Variants in PAX5 observed in about 807,000 individuals in gnomAD.
The protein encoded by PAX5 is paired box protein Pax-5.
In PAX5, 9 loss-of-function variants were observed where a neutral mutation model predicts 43.7. That is an observed-to-expected ratio of 0.21 (90% CI 0.12 to 0.36). The LOEUF is 0.36. Ranked by LOEUF, PAX5 falls within the 10% of genes least tolerant of loss-of-function variation. The pLI is 1.00. For missense variants in PAX5, 383 were observed against 532.7 expected (o/e 0.72, Z 2.77); for synonymous variants, 228 against 214.3 (o/e 1.06, Z -0.56).
At position 36,839,876 on chromosome 9, in the gene PAX5, A is replaced by G. The variant is rs1821901998; in HGVS notation, c.*684T>C. On this transcript the variant is annotated 3_prime_UTR_variant, in exon 10 of 10. Transcript: ENST00000358127. ...AGGCAGGAAACCAGGACATCTCCCC[A>G]AAGTGTGCTCCTCTTGGAGAGGGGC... 1 of 234,126 alleles carries G rather than the reference A, an allele frequency of 4.3e-6. No homozygotes were observed. The highest frequency in any genetic ancestry group is 1.8e-4 in the South Asian group (1 of 5,556). 14.5% of individuals were successfully genotyped at this position (234,126 alleles called of 1,614,324 possible). A position where few individuals can be genotyped will look rare whatever the true frequency, so the allele number is the denominator to read the frequency against.
intron 5 of PAX5, among the ~76,000 whole-genome samples, chr9:36,991,574 C>T (rs1836942470): frequency 6.6e-6 from 1 of 152,206 alleles, no homozygotes; most frequent in African/African-American, 2.4e-5. Context: ...CCTCCCCCTC[C>T]CTGACTGAAT....
chr9:36,872,821 G>A (rs1243531682), intron 8 of PAX5, among the ~76,000 whole-genome samples: 1 of 152,170 alleles, frequency 6.6e-6, no homozygotes, highest in Non-Finnish European at 1.5e-5. Flanking sequence ...ACATCTGCCT[G>A]GGCAGAGCCT....
chr9:36,910,055 T>C (rs1829138978), intron 7 of PAX5, among the ~76,000 whole-genome samples: 1 of 152,066 alleles, frequency 6.6e-6, no homozygotes, highest in South Asian at 2.1e-4. Flanking sequence ...ACTCTTCAGC[T>C]CAAGCAATCC....
At chr9:36,925,130 G>A (rs963065751) in intron 6 of PAX5, among the ~76,000 whole-genome samples, 2 of 152,120 alleles carry the variant, frequency 1.3e-5, no homozygotes, top group Non-Finnish European at 1.5e-5. Context: ...CACATTCCTG[G>A]TGTCTTTCCC....
rs369098371 is a variant in PAX5 at position 36,834,287 on chromosome 9, C to T, written c.*6273G>A. ...GATGGGCCTGCCTCTTCCTGAGCCCCGGGACAGGCTGCTGCCGGGTCTGCT... is the reference window on the plus strand; with the variant it reads ...GATGGGCCTGCCTCTTCCTGAGCCCTGGGACAGGCTGCTGCCGGGTCTGCT... On this transcript the variant is annotated 3_prime_UTR_variant, in exon 10 of 10. Transcript: ENST00000358127. 4 of 233,204 alleles carry T rather than the reference C, an allele frequency of 1.7e-5. No individual in the cohort carries two copies. The highest frequency in any genetic ancestry group is 2.5e-5 in the Non-Finnish European group (3 of 118,104). 14.4% of individuals were successfully genotyped at this position (233,204 alleles called of 1,614,324 possible). A position where few individuals can be genotyped will look rare whatever the true frequency, so the allele number is the denominator to read the frequency against.
At chr9:36,909,576 G>A (rs1407343815) in intron 7 of PAX5, among the ~76,000 whole-genome samples, 1 of 152,178 alleles carries the variant, frequency 6.6e-6, no homozygotes, top group Non-Finnish European at 1.5e-5. Flanking sequence ...GAAGGTAAGA[G>A]GACACAGGAA....
intron 1 of PAX5, 97 bp downstream of exon 1, chr9:37,033,889 G>T: frequency 9.6e-7 from 1 of 1,045,370 alleles, no homozygotes; most frequent in South Asian, 1.3e-5. Context: ...ACGAAAATGC[G>T]GCGCGCCCCC....
chr9:36,856,561 G>A (rs550505958), intron 8 of PAX5: 2 of 151,498 alleles, frequency 1.3e-5, no homozygotes, highest in South Asian at 4.2e-4. Context: ...TTTTTTAGGC[G>A]GAGTCTCGCC....
At chr9:36,935,922 C>A (rs957621889) in intron 6 of PAX5, among the ~76,000 whole-genome samples, 1 of 152,224 alleles carries the variant, frequency 6.6e-6, no homozygotes, top group Non-Finnish European at 1.5e-5. Context: ...AGCACGGGGC[C>A]CCAGGGCCTC....
rs962499922 is a variant in PAX5, at chr9:36,839,760, A to G, written c.*800T>C. The G allele has an allele frequency of 4.3e-6, 1 of 233,280 alleles. No individual in the cohort carries two copies. The highest frequency in any genetic ancestry group is 2.2e-5 in the African/African-American group (1 of 45,348). The allele number at this position is 233,280 out of a possible 1,614,324, so 14.5% of individuals were successfully genotyped here. ...TACCTCGGATGACATTCTGCTTCGG[A>G]AAAGTAGCTGAGGAATCTCCCAGAC... On this transcript the variant is annotated 3_prime_UTR_variant, in exon 10 of 10. Coordinates refer to ENST00000358127, the MANE Select transcript of PAX5 (RefSeq NM_016734.3).
intron 7 of PAX5, among the ~76,000 whole-genome samples, chr9:36,911,589 G>A (rs1829297474): frequency 1.3e-5 from 2 of 152,296 alleles, no homozygotes; most frequent in South Asian, 4.1e-4. Flanking sequence ...AGCGCCTTTT[G>A]GCAGCCTGGA....
At chr9:37,001,022 G>T (rs1837802761) in intron 5 of PAX5, among the ~76,000 whole-genome samples, 1 of 152,184 alleles carries the variant, frequency 6.6e-6, no homozygotes, top group African/African-American at 2.4e-5. Flanking sequence ...CCCTCTTAAA[G>T]GTCAATACCC....
At chr9:37,030,795 G>C (rs1840909315) in intron 1 of PAX5, among the ~76,000 whole-genome samples, 1 of 152,176 alleles carries the variant, frequency 6.6e-6, no homozygotes, top group South Asian at 2.1e-4. Context: ...TTCAGGATGT[G>C]GGGGCTGCTA....
intron 7 of PAX5, among the ~76,000 whole-genome samples, chr9:36,912,605 A>C (rs1829389888): frequency 6.6e-6 from 1 of 152,178 alleles, no homozygotes; most frequent in South Asian, 2.1e-4. Context: ...GCTCTCACTC[A>C]CTAAATGTGG....
At chr9:36,845,611 A>C (rs1418401950) in intron 9 of PAX5, among the ~76,000 whole-genome samples, 1 of 152,162 alleles carries the variant, frequency 6.6e-6, no homozygotes, top group Non-Finnish European at 1.5e-5. Flanking sequence ...TGAATCCCCA[A>C]GTCATGCATG....
chr9:37,029,387 AC>A (rs1162475391), intron 1 of PAX5, among the ~76,000 whole-genome samples: 1 of 151,568 alleles, frequency 6.6e-6, no homozygotes, highest in Admixed American at 6.6e-5. Context: ...ACCCGTCCCC[AC>A]CCCCCACCAG....
chr9:36,858,158 G>A (rs1011102883), intron 8 of PAX5, among the ~76,000 whole-genome samples: 42 of 152,246 alleles, frequency 2.8e-4, no homozygotes, highest in African/African-American at 8.7e-4. Context: ...AAAGTCCTTT[G>A]TGAATTGAAA....
intron 7 of PAX5, among the ~76,000 whole-genome samples, chr9:36,913,663 G>A (rs949598438): frequency 9.2e-5 from 14 of 152,228 alleles, no homozygotes; most frequent in Non-Finnish European, 2.1e-4. Flanking sequence ...AGCTGGTAGA[G>A]CAGGTGTTTA....
At chr9:37,021,251 A>T (rs944085069) in intron 1 of PAX5, among the ~76,000 whole-genome samples, 5 of 152,146 alleles carry the variant, frequency 3.3e-5, no homozygotes, top group African/African-American at 1.2e-4. Flanking sequence ...GAAAAGAACA[A>T]CTCCAATAAA....
Sources: allele counts gnomAD v4.1 joint callset (sites outside exome capture counted in the v4.1 genomes callset), GRCh38; gene constraint gnomAD v4.1.1; transcripts MANE v1.5; gene names NCBI Gene and HGNC (gene_info 2026-07-23, HGNC 2026-07-21).